Variants in ZNF268 observed in about 807,000 individuals in gnomAD.
The protein encoded by ZNF268 is zinc finger protein 3.
In ZNF268, 20 loss-of-function variants were observed where a neutral mutation model predicts 29.3. The observed-to-expected ratio is 0.68, with a 90% confidence interval of 0.48 to 0.99. The LOEUF (loss-of-function observed/expected upper bound fraction) is 0.99, where lower values mean the gene tolerates loss of function less well. Among genes scored for constraint, ZNF268 ranks in the 50% least tolerant of loss-of-function variants. The probability of loss-of-function intolerance (pLI) is 0.00; values close to 1 mark genes in which losing one functional copy is unlikely to be tolerated. For synonymous variants in ZNF268, 429 were observed against 376.9 expected (o/e 1.14, Z -1.60); for missense variants, 1,240 against 1,121.6 (o/e 1.11, Z -1.51).
At position 133,208,140 on chromosome 12, in the gene ZNF268, A is replaced by C. The variant is rs958566594; in HGVS notation, c.*3610A>C. 1 of 152,164 alleles carries C rather than the reference A, an allele frequency of 6.6e-6. No individual in the cohort carries two copies. Among genetic ancestry groups the C allele is most frequent in the Non-Finnish European group, 1.5e-5 (1 of 68,036 alleles). 9.4% of individuals were successfully genotyped at this position (152,164 alleles called of 1,614,324 possible). ...GGCTGGAGGATTGCTGGAACCCAGG[A>C]GTTCGAGACAAGCCTGACCAATATA... On this transcript the variant is annotated 3_prime_UTR_variant, in exon 6 of 6. Transcript: ENST00000536435.
chr12:133,187,729 C>T (rs1488029851), intron 2 of ZNF268, 143 bp from the exon 3 acceptor site: 2 of 775,504 alleles, frequency 2.6e-6, no homozygotes, highest in African/African-American at 1.8e-5. Context: ...CATTTCTTTT[C>T]TGCCTCTAAC....
rs1398350312 is a variant in ZNF268, at chr12:133,214,326, G to A, written c.*9796G>A. 6.6e-6 allele frequency: 1 copy of A among 152,160 alleles called. No homozygotes were observed. Among genetic ancestry groups the A allele is most frequent in the African/African-American group, 2.4e-5 (1 of 41,430 alleles). 9.4% of individuals were successfully genotyped at this position (152,160 alleles called of 1,614,324 possible). ...GAAATGTGAACACCGCTGTAAAATGGTAAAGCTGCTATGACTGACCCTTGC... is the reference window on the plus strand; with the variant it reads ...GAAATGTGAACACCGCTGTAAAATGATAAAGCTGCTATGACTGACCCTTGC... On this transcript the variant is annotated 3_prime_UTR_variant, in exon 6 of 6. Coordinates refer to ENST00000536435, the MANE Select transcript of ZNF268 (RefSeq NM_003415.3).
In ZNF268 at chr12:133,202,814, T is replaced by G. The variant is rs1956787960; in HGVS notation, c.1128T>G (p.Val376=). The change falls in exon 6 of 6, where the codon GTT becomes GTG. Residue 376 remains valine (V), a synonymous_variant. Transcript: ENST00000536435. ...GKVFSRKDQL[V]SHQKTHSGQK... Reference sequence around the variant, plus strand: ...TCTTCAGTAGGAAAGACCAGCTTGTTTCACACCAGAAAACTCATTCAGGAC... The same window carrying G: ...TCTTCAGTAGGAAAGACCAGCTTGTGTCACACCAGAAAACTCATTCAGGAC... 1.2e-6 allele frequency: 2 copies of G among 1,604,366 alleles called. No individual in the cohort carries two copies. The highest frequency in any genetic ancestry group is 1.7e-6 in the Non-Finnish European group (2 of 1,177,506).
chr12:133,204,240 C>T lies in ZNF268; in HGVS notation c.2554C>T (p.Leu852Phe). ...ATCCTTCAGTGGGAAATTACGCCTT[C>T]TTGTACACCAGAGAATGCACACAAG... ...EKSFSGKLRL[L>F]VHQRMHTREK... is the part of the protein sequence containing the mutation. Residue 852 changes from leucine to phenylalanine, a missense_variant, in exon 6 of 6, where the codon CTT becomes TTT. Transcript: ENST00000536435. 6.5e-7 allele frequency: 1 copy of T among 1,543,702 alleles called. No homozygotes were observed. Among genetic ancestry groups the T allele is most frequent in the Non-Finnish European group, 8.7e-7 (1 of 1,148,842 alleles).
chr12:133,190,655 A>G (rs1268444110), intron 3 of ZNF268, among the ~76,000 whole-genome samples: 2 of 152,160 alleles, frequency 1.3e-5, no homozygotes, highest in East Asian at 1.9e-4. Context: ...TTTTTAGTCC[A>G]TAAAGTTTTA....
rs1406088838 is a variant in ZNF268 at position 133,205,347 on chromosome 12, G to A, written c.*817G>A. On this transcript the variant is annotated 3_prime_UTR_variant, in exon 6 of 6. Coordinates refer to ENST00000536435, the MANE Select transcript of ZNF268 (RefSeq NM_003415.3). ...TTGTACAAGTGAATCTAGTAAGGAG[G>A]TTAAGAATAAGAAATAACATCCCAG... is the stretch of plus-strand genomic sequence containing the variant. The A allele has an allele frequency of 3.3e-5, 5 of 151,810 alleles. No homozygotes were observed. Among genetic ancestry groups the A allele is most frequent in the Admixed American group, 6.6e-5 (1 of 15,228 alleles). 9.4% of individuals were successfully genotyped at this position (151,810 alleles called of 1,614,324 possible).
chr12:133,211,222 TA>T lies in ZNF268; in HGVS notation c.*6696del. The T allele has an allele frequency of 2.8e-6, 1 of 353,482 alleles. No homozygotes were observed. 21.9% of individuals were successfully genotyped at this position (353,482 alleles called of 1,614,324 possible). ...TATGCAAAATATAAAAAAAAAACCC[TA>T]AAATTGAACAAGAAGACAACCCAAT... On this transcript the variant is annotated 3_prime_UTR_variant, in exon 6 of 6. Transcript: ENST00000536435.
At position 133,202,999 on chromosome 12, in the gene ZNF268, A is replaced by G. The variant is rs374317261; in HGVS notation, c.1313A>G (p.His438Arg). 39 of 1,548,628 alleles carry G rather than the reference A, an allele frequency of 2.5e-5. No homozygotes were observed. The African/African-American group carries it at 3.5e-4, about 14-fold the overall frequency. The change falls in exon 6 of 6, where the codon CAT becomes CGT. Residue 438 changes from histidine (H) to arginine (R), a missense_variant. Physicochemically the swap from His to Arg is conservative, Grantham distance 29. Coordinates refer to ENST00000536435, the MANE Select transcript of ZNF268 (RefSeq NM_003415.3). ...AACCTTATGGTACATCAGAGAACCCATACAGGGGAGAAACCTTATGTTTGT... is the reference window on the plus strand; with the variant it reads ...AACCTTATGGTACATCAGAGAACCCGTACAGGGGAGAAACCTTATGTTTGT... ...KSNLMVHQRT[H>R]TGEKPYVCSD...
rs1225123682 is a variant in ZNF268, at chr12:133,210,000, G to A, written c.*5470G>A. 1 of 152,190 alleles carries A rather than the reference G, an allele frequency of 6.6e-6. No individual in the cohort carries two copies. Among genetic ancestry groups the A allele is most frequent in the Admixed American group, 6.5e-5 (1 of 15,272 alleles). The allele number at this position is 152,190 out of a possible 1,614,324, so 9.4% of individuals were successfully genotyped here. A position where few individuals can be genotyped will look rare whatever the true frequency, so the allele number is the denominator to read the frequency against. On this transcript the variant is annotated 3_prime_UTR_variant, in exon 6 of 6. Transcript: ENST00000536435. ...AACAAACCCATATGTATAAAAAGTAGTTGGGCTTGCTATAAAGATGACTAG... is the reference window on the plus strand; with the variant it reads ...AACAAACCCATATGTATAAAAAGTAATTGGGCTTGCTATAAAGATGACTAG...
intron 2 of ZNF268, among the ~76,000 whole-genome samples, chr12:133,185,183 CAA>C (rs534300830): frequency 1.3e-3 from 112 of 87,928 alleles, no homozygotes; most frequent in African/African-American, 4.5e-3. Flanking sequence ...GACTCTGTCT[CAA>C]AAAAAAAAAA....
Position 133,202,298 on chromosome 12 carries a change from C to T in ZNF268, c.612C>T (p.Gly204=), listed in dbSNP as rs766534924. 2 of 1,612,550 alleles carry T rather than the reference C, an allele frequency of 1.2e-6. No individual in the cohort carries two copies. The highest frequency in any genetic ancestry group is 1.1e-5 in the South Asian group (1 of 90,940). ...YLSRQKPHKC[G]THGKSLKYID... is the part of the protein sequence containing the mutation. ...CAAGACAAAAACCTCATAAATGTGG[C>T]ACGCATGGAAAGAGTTTGAAATATA... Residue 204 remains glycine, a synonymous_variant, in exon 6 of 6, where the codon GGC becomes GGT. Coordinates refer to ENST00000536435, the MANE Select transcript of ZNF268 (RefSeq NM_003415.3).
chr12:133,182,206 C>T (rs1055506191), intron 2 of ZNF268, among the ~76,000 whole-genome samples, 176 bp downstream of exon 2: 1 of 152,178 alleles, frequency 6.6e-6, no homozygotes, highest in African/African-American at 2.4e-5. Flanking sequence ...TGTCATCCGA[C>T]TTCCTTTTTT....
chr12:133,212,613 C>T lies in ZNF268; in HGVS notation c.*8083C>T, dbSNP rs1188637800. On this transcript the variant is annotated 3_prime_UTR_variant, in exon 6 of 6. Transcript: ENST00000536435. ...ACCATTTTAACTATTTTTAAGTGTA[C>T]ACTTCAGTGGCATGAAGTACATTAT... is the stretch of plus-strand genomic sequence containing the variant. The T allele has an allele frequency of 6.6e-6, 1 of 151,542 alleles. No homozygotes were observed. The highest frequency in any genetic ancestry group is 2.4e-5 in the African/African-American group (1 of 41,206). 9.4% of individuals were successfully genotyped at this position (151,542 alleles called of 1,614,324 possible).
At chr12:133,197,247 C>T (rs1956632911) in intron 5 of ZNF268, among the ~76,000 whole-genome samples, 1 of 136,590 alleles carries the variant, frequency 7.3e-6, no homozygotes, top group Non-Finnish European at 1.5e-5. Context: ...TCCATGTGTT[C>T]TCATTGTTCA....
chr12:133,204,440 G>A lies in ZNF268; in HGVS notation c.2754G>A (p.Lys918=), dbSNP rs1460884249. ...SAHQRTHTGE[K]PCKCTECGKA... ...ATCAGAGAACACATACAGGAGAGAA[G>A]CCTTGTAAGTGCACTGAATGTGGGA... Residue 918 remains lysine (K), a synonymous_variant, in exon 6 of 6, where the codon AAG becomes AAA. Transcript: ENST00000536435. 1.3e-6 allele frequency: 2 copies of A among 1,562,452 alleles called. No individual in the cohort carries two copies. Among genetic ancestry groups the A allele is most frequent in the Admixed American group, 3.7e-5 (2 of 53,350 alleles).
rs931969966 is a variant in ZNF268, at chr12:133,214,436, G to C, written c.*9906G>C. The C allele has an allele frequency of 6.6e-6, 1 of 152,250 alleles. No homozygotes were observed. Among genetic ancestry groups the C allele is most frequent in the African/African-American group, 2.4e-5 (1 of 41,438 alleles). 9.4% of individuals were successfully genotyped at this position (152,250 alleles called of 1,614,324 possible). On this transcript the variant is annotated 3_prime_UTR_variant, in exon 6 of 6. Transcript: ENST00000536435. ...TGTAATCCCAGCTACTCGGGAGGCTGAGGTGGGAGGGTCGCTTGAGCCTGG... is the reference window on the plus strand; with the variant it reads ...TGTAATCCCAGCTACTCGGGAGGCTCAGGTGGGAGGGTCGCTTGAGCCTGG...
At chr12:133,200,976 C>T (rs11147297) in intron 5 of ZNF268, among the ~76,000 whole-genome samples, 52,354 of 151,908 alleles carry the variant, frequency 0.34, 9,454 homozygotes, top group African/African-American at 0.41. Flanking sequence ...ATGCCTCCAT[C>T]ATTCTGATAC....
rs746814708 is a variant in ZNF268 at position 133,202,643 on chromosome 12, C to T, written c.957C>T (p.Leu319=). Residue 319 remains leucine (L), a synonymous_variant, in exon 6 of 6, where the codon CTC becomes CTT. Coordinates refer to ENST00000536435, the MANE Select transcript of ZNF268 (RefSeq NM_003415.3). ...AAGACTTCAGTAGTAAATCATACCT[C>T]ATTGTACATCAGAGAATTCATACAG... is the stretch of plus-strand genomic sequence containing the variant. ...CGKDFSSKSY[L]IVHQRIHTGE... The T allele has an allele frequency of 3.2e-5, 51 of 1,605,168 alleles. No homozygotes were observed. In the Middle Eastern group the frequency reaches 1.2e-3, roughly 36 times the overall value.
rs868010303 is a variant in ZNF268, at chr12:133,204,148, C to G, written c.2462C>G (p.Ser821Ter). 3 of 1,542,858 alleles carry G rather than the reference C, an allele frequency of 1.9e-6. No individual in the cohort carries two copies. The South Asian group carries it at 3.6e-5, about 18-fold the overall frequency. Residue 821 changes from serine (S) to a stop codon, truncating the protein, a stop_gained, in exon 6 of 6, where the codon TCA (serine) becomes TGA (stop). Transcript: ENST00000536435. LOFTEE classifies it low-confidence loss of function (END_TRUNC). ...NECGKAFIWK[S>*]LLIVHERTHA... ...TGTGGGAAAGCCTTCATTTGGAAAT[C>G]ACTACTCATTGTACATGAGCGAACT...
Sources: gnomAD v4.1 joint callset for allele counts (sites outside exome capture counted in the v4.1 genomes callset) on GRCh38, gnomAD v4.1.1 for gene constraint, MANE v1.5 for transcripts, NCBI Gene and HGNC (gene_info 2026-07-23, HGNC 2026-07-21) for gene names.